ALK: variants seen among roughly 807,000 people sequenced by gnomAD.
The protein encoded by ALK is ALK receptor tyrosine kinase.
In ALK, 74 loss-of-function variants were observed where a neutral mutation model predicts 163.1. That is an observed-to-expected ratio of 0.45 (90% CI 0.38 to 0.55). The LOEUF is 0.55. ALK is among the 20% of genes least tolerant of loss of function. ALK has a pLI of 0.00. For missense variants in ALK, 2,063 were observed against 2,105.3 expected (o/e 0.98, Z 0.39); for synonymous variants, 960 against 843.2 (o/e 1.14, Z -2.40).
At chr2:29,637,649 C>CAGTG (rs1390469735) in intron 3 of ALK, among the ~76,000 whole-genome samples, 2 of 146,968 alleles carry the variant, frequency 1.4e-5, no homozygotes, top group East Asian at 4.0e-4. Flanking sequence ...GTGGAGGTTG[C>CAGTG]AGTGAGCCGA....
chr2:29,208,499 C>T (rs1394008597), intron 25 of ALK, among the ~76,000 whole-genome samples: 1 of 152,114 alleles, frequency 6.6e-6, no homozygotes, highest in African/African-American at 2.4e-5. Context: ...GAACGCTGAG[C>T]TTGTGGGTAG....
chr2:29,498,428 G>A (rs1044115180), intron 4 of ALK, among the ~76,000 whole-genome samples: 5 of 152,044 alleles, frequency 3.3e-5, no homozygotes, highest in Admixed American at 6.5e-5. Flanking sequence ...GAGGGCCTAT[G>A]AGATATAGAG....
chr2:29,648,220 A>C (rs188879448), intron 3 of ALK, among the ~76,000 whole-genome samples: 1 of 152,308 alleles, frequency 6.6e-6, no homozygotes, highest in Non-Finnish European at 1.5e-5. Flanking sequence ...TTGAAGTATT[A>C]CGCATAAATA....
chr2:29,358,439 CAG>C (rs1346111502), intron 5 of ALK, among the ~76,000 whole-genome samples: 5 of 152,310 alleles, frequency 3.3e-5, no homozygotes, highest in Admixed American at 1.3e-4. Context: ...AAGCCTCACA[CAG>C]AGTGTTAGTG....
At chr2:29,703,261 A>G (rs1342877318) in intron 2 of ALK, among the ~76,000 whole-genome samples, 1 of 152,184 alleles carries the variant, frequency 6.6e-6, no homozygotes, top group Non-Finnish European at 1.5e-5. Context: ...ACAGAGCCTG[A>G]CGCTGGGCCT....
intron 4 of ALK, 68 bp from the exon 5 acceptor site, chr2:29,383,927 G>A: frequency 1.2e-6 from 2 of 1,600,910 alleles, no homozygotes; most frequent in Non-Finnish European, 1.7e-6. Flanking sequence ...CCTAACATGT[G>A]GACAGGGTCA....
At chr2:29,334,709 CG>C (rs1667557127) in intron 5 of ALK, among the ~76,000 whole-genome samples, 1 of 152,172 alleles carries the variant, frequency 6.6e-6, no homozygotes, top group South Asian at 2.1e-4. Flanking sequence ...CTACCAACTC[CG>C]CCCAGTCTCC....
chr2:29,904,854 G>T (rs1486293734), intron 1 of ALK, among the ~76,000 whole-genome samples: 1 of 152,152 alleles, frequency 6.6e-6, no homozygotes, highest in African/African-American at 2.4e-5. Context: ...TTCTGAGCCT[G>T]TTCCTGATGA....
chr2:29,494,317 G>T (rs1354865925), intron 4 of ALK, among the ~76,000 whole-genome samples: 1 of 152,208 alleles, frequency 6.6e-6, no homozygotes, highest in Non-Finnish European at 1.5e-5. Flanking sequence ...CTCTGTTCAT[G>T]GTGAGGGAGA....
intron 3 of ALK, among the ~76,000 whole-genome samples, chr2:29,642,592 C>T (rs4666264): frequency 0.62 from 93,577 of 151,514 alleles, 29,793 homozygotes; most frequent in East Asian, 0.72. Flanking sequence ...TTCTCAGGGG[C>T]ATTAAATATC....
At chr2:29,699,289 T>C (rs887823545) in intron 2 of ALK, among the ~76,000 whole-genome samples, 1 of 152,214 alleles carries the variant, frequency 6.6e-6, no homozygotes, top group Non-Finnish European at 1.5e-5. Flanking sequence ...CTGGGTGTTT[T>C]CCTTCCATCA....
At chr2:29,554,399 G>A (rs2148177563) in intron 3 of ALK, among the ~76,000 whole-genome samples, 1 of 152,280 alleles carries the variant, frequency 6.6e-6, no homozygotes, top group Non-Finnish European at 1.5e-5. Context: ...GGGAGAAGAA[G>A]ATTTAGAAAA....
At chr2:29,374,435 A>G in intron 5 of ALK, among the ~76,000 whole-genome samples, 1 of 151,954 alleles carries the variant, frequency 6.6e-6, no homozygotes, top group East Asian at 1.9e-4. Flanking sequence ...TTGCCATGAA[A>G]AAAAAAAAAG....
At chr2:29,553,081 T>A (rs528544208) in intron 3 of ALK, among the ~76,000 whole-genome samples, 2 of 152,316 alleles carry the variant, frequency 1.3e-5, no homozygotes, top group Admixed American at 1.3e-4. Flanking sequence ...CAAATAAAAC[T>A]CTTGCTATGG....
chr2:29,469,173 A>G (rs1217951078), intron 4 of ALK, among the ~76,000 whole-genome samples: 1 of 152,176 alleles, frequency 6.6e-6, no homozygotes, highest in Non-Finnish European at 1.5e-5. Context: ...TTGCAGTCTG[A>G]GTGGAGGAGT....
intron 1 of ALK, among the ~76,000 whole-genome samples, chr2:29,834,071 A>C (rs77678171): frequency 0.036 from 5,437 of 152,316 alleles, 194 homozygotes; most frequent in African/African-American, 0.092. Flanking sequence ...CTGCAAAGGT[A>C]TATAAAATAT....
At chr2:29,595,931 A>G (rs1216001015) in intron 3 of ALK, among the ~76,000 whole-genome samples, 2 of 152,202 alleles carry the variant, frequency 1.3e-5, no homozygotes, top group Non-Finnish European at 2.9e-5. Flanking sequence ...GACGAAGATA[A>G]GGTGTCGTGC....
At chr2:29,879,901 C>A (rs1167018843) in intron 1 of ALK, among the ~76,000 whole-genome samples, 1 of 152,178 alleles carries the variant, frequency 6.6e-6, no homozygotes, top group Admixed American at 6.6e-5. Flanking sequence ...AAAGAAAGGC[C>A]GCCTGAATTA....
At chr2:29,254,221 T>A (rs954279616) in intron 11 of ALK, among the ~76,000 whole-genome samples, 2 of 152,244 alleles carry the variant, frequency 1.3e-5, no homozygotes, top group African/African-American at 4.8e-5. Context: ...CTTTCCTTTA[T>A]AAATTAGCCA....
Sources: allele counts gnomAD v4.1 joint callset (sites outside exome capture counted in the v4.1 genomes callset), GRCh38; gene constraint gnomAD v4.1.1; transcripts MANE v1.5; gene names NCBI Gene and HGNC (gene_info 2026-07-23, HGNC 2026-07-21).